SASH1: variants seen among roughly 807,000 people sequenced by gnomAD.
The protein encoded by SASH1 is SAM and SH3 domain-containing protein 1.
In SASH1, 44 loss-of-function variants were observed where a neutral mutation model predicts 125.2. The observed-to-expected ratio is 0.35, with a 90% confidence interval of 0.28 to 0.45. The LOEUF (loss-of-function observed/expected upper bound fraction) is 0.45. Ranked by LOEUF, SASH1 falls within the 20% of genes least tolerant of loss-of-function variation. The probability of loss-of-function intolerance (pLI) is 1.00; values close to 1 mark genes in which losing one functional copy is unlikely to be tolerated. For missense variants in SASH1, 1,426 were observed against 1,614.5 expected, an observed-to-expected ratio of 0.88 and a Z score of 2.00; for synonymous variants, 639 against 649.1, an observed-to-expected ratio of 0.98 and a Z score of 0.24.
chr6:148,468,491 G>A (rs547956132), intron 4 of SASH1, 54 bp from the exon 5 acceptor site: 3 of 1,365,498 alleles, frequency 2.2e-6, no homozygotes, highest in Middle Eastern at 1.8e-4. Context: ...AGGATTTTCA[G>A]TTCTCCCATG....
At chr6:148,437,533 C>T (rs915530378) in intron 2 of SASH1, among the ~76,000 whole-genome samples, 8 of 152,176 alleles carry the variant, frequency 5.3e-5, no homozygotes, top group African/African-American at 1.9e-4. Context: ...ATATGTCAAA[C>T]TATAGCCCCA....
At chr6:148,239,355 T>A in the SASH1 span, among the ~76,000 whole-genome samples, 4 of 152,198 alleles carry the variant, frequency 2.6e-5, no homozygotes, top group African/African-American at 4.8e-5. Context: ...GATGTTTTTC[T>A]AGAGGGAGTG....
chr6:148,221,184 C>T, the SASH1 span, among the ~76,000 whole-genome samples: 1 of 152,110 alleles, frequency 6.6e-6, no homozygotes, highest in Non-Finnish European at 1.5e-5. Context: ...GCAAAAACTA[C>T]AGGAGGTCAT....
chr6:148,433,999 A>G (rs1311379995), intron 2 of SASH1, among the ~76,000 whole-genome samples: 1 of 150,816 alleles, frequency 6.6e-6, no homozygotes, highest in Non-Finnish European at 1.5e-5. Flanking sequence ...ATTCTTTTAG[A>G]TATTTTCTTC....
At chr6:148,208,985 G>A in the SASH1 span, among the ~76,000 whole-genome samples, 132 of 152,226 alleles carry the variant, frequency 8.7e-4, no homozygotes, top group African/African-American at 3.0e-3. Flanking sequence ...GCTGGGCATC[G>A]ATATTGAACA....
chr6:148,449,078 C>CTTTTTCTTTTTTTTTTTTTTTTT, intron 4 of SASH1, among the ~76,000 whole-genome samples: 2 of 88,734 alleles, frequency 2.3e-5, no homozygotes, highest in East Asian at 2.9e-4. Context: ...CATTTCATTT[C>CTTTTTCTTTTTTTTTTTTTTTTT]TTTTTTTTTT....
In SASH1 at chr6:148,495,380, A is replaced by C. The variant is rs911876761; in HGVS notation, c.729+7665A>C. Among the ~76,000 whole-genome samples, 1 of 152,220 alleles carries C rather than the reference A, an allele frequency of 6.6e-6. No individual in the cohort carries two copies. The highest frequency in any genetic ancestry group is 2.4e-5 in the African/African-American group (1 of 41,472). On this transcript the variant is annotated intron_variant, in intron 8 of 19. Coordinates refer to ENST00000367467, the MANE Select transcript of SASH1 (RefSeq NM_015278.5). The surrounding 1 kb of genome is among the most constrained non-coding windows in gnomAD (Gnocchi z 4.0). ...TATAACCACTGTCGTCTTTTATAGA[A>C]TCTGCTATTGTGAGCTCAACTCAAA...
At chr6:148,395,283 A>T (rs149364804) in intron 2 of SASH1, among the ~76,000 whole-genome samples, 1 of 152,324 alleles carries the variant, frequency 6.6e-6, no homozygotes, top group Admixed American at 6.5e-5. Flanking sequence ...CAAAAAATGC[A>T]TTGTCCTTAA....
intron 1 of SASH1, among the ~76,000 whole-genome samples, chr6:148,307,094 T>TTCTTTCTC (rs1240787953): frequency 1.7e-4 from 21 of 120,750 alleles, no homozygotes; most frequent in African/African-American, 5.7e-4. Flanking sequence ...CTTTCTTTCT[T>TTCTTTCTC]TCTCTCTCTC....
intron 2 of SASH1, among the ~76,000 whole-genome samples, chr6:148,407,962 T>C (rs1036704780): frequency 2.0e-5 from 3 of 152,038 alleles, no homozygotes; most frequent in African/African-American, 7.2e-5. Flanking sequence ...ACCTCCATAC[T>C]GGCTATGCCA....
chr6:148,221,876 C>T, the SASH1 span, among the ~76,000 whole-genome samples: 4 of 152,178 alleles, frequency 2.6e-5, no homozygotes, highest in African/African-American at 4.8e-5. Context: ...CCTTTCCCTG[C>T]GGGTCACTTA....
chr6:148,487,092 T>TATACACACAC (rs1339257717), intron 7 of SASH1, among the ~76,000 whole-genome samples: 1 of 118,708 alleles, frequency 8.4e-6, no homozygotes, highest in African/African-American at 3.2e-5. Flanking sequence ...CACATATATA[T>TATACACACAC]ACACACACAC....
chr6:148,266,403 C>T, the SASH1 span, among the ~76,000 whole-genome samples: 1 of 152,200 alleles, frequency 6.6e-6, no homozygotes, highest in Non-Finnish European at 1.5e-5. Context: ...AAGCCAGTTA[C>T]TCTCTAAGAC....
chr6:148,224,377 T>G, the SASH1 span, among the ~76,000 whole-genome samples: 56 of 152,172 alleles, frequency 3.7e-4, no homozygotes, highest in African/African-American at 1.3e-3. Flanking sequence ...CTTTTTTTTT[T>G]TGAGACAGAT....
intron 1 of SASH1, among the ~76,000 whole-genome samples, chr6:148,299,228 A>G (rs954123959): frequency 6.6e-6 from 1 of 152,202 alleles, no homozygotes; most frequent in African/African-American, 2.4e-5. Context: ...TGAAGTTTAA[A>G]CTATAGCCAG....
At chr6:148,214,240 C>T in the SASH1 span, among the ~76,000 whole-genome samples, 8 of 152,092 alleles carry the variant, frequency 5.3e-5, no homozygotes, top group African/African-American at 1.4e-4. Flanking sequence ...ACTGATGGTG[C>T]GTGCATGTTG....
chr6:148,208,423 C>T, the SASH1 span, among the ~76,000 whole-genome samples: 3 of 152,180 alleles, frequency 2.0e-5, no homozygotes, highest in African/African-American at 7.2e-5. Flanking sequence ...GAAGTACAGG[C>T]ACGACCTCTG....
chr6:148,411,608 A>T (rs1236028513), intron 2 of SASH1, among the ~76,000 whole-genome samples: 1 of 152,042 alleles, frequency 6.6e-6, no homozygotes, highest in Non-Finnish European at 1.5e-5. Flanking sequence ...CAATGGTGTG[A>T]TACTGGCTCA....
intron 4 of SASH1, among the ~76,000 whole-genome samples, chr6:148,460,781 TG>T (rs1276531381): frequency 6.6e-6 from 1 of 152,258 alleles, no homozygotes; most frequent in African/African-American, 2.4e-5. Flanking sequence ...TTATGTGTGT[TG>T]TTTTTTGTAA....
Sources: allele counts gnomAD v4.1 joint callset (sites outside exome capture counted in the v4.1 genomes callset), GRCh38; gene constraint gnomAD v4.1.1; non-coding constraint Gnocchi (gnomAD v3.1); transcripts MANE v1.5; gene names NCBI Gene and HGNC (gene_info 2026-07-23, HGNC 2026-07-21).